The following SDK1 variants were observed in gnomAD, a reference collection of about 807,000 sequenced individuals.
SDK1 encodes protein sidekick-1.
In SDK1, 157 loss-of-function variants were observed where a neutral mutation model predicts 245.5. The observed-to-expected ratio is 0.64, with a 90% CI of 0.56 to 0.73. The LOEUF is 0.73. SDK1 is among the 30% of genes least tolerant of loss of function. The pLI, the probability that SDK1 is intolerant of heterozygous loss-of-function variation, is 0.00. For synonymous variants in SDK1, 1,647 were observed against 1,278.5 expected, an observed-to-expected ratio of 1.29 and a Z score of -6.15; for missense variants, 3,583 against 3,002.3, an observed-to-expected ratio of 1.19 and a Z score of -4.52.
chr7:3,714,459 C>G (rs933865155), intron 4 of SDK1, among the ~76,000 whole-genome samples: 2 of 152,186 alleles, frequency 1.3e-5, no homozygotes, highest in African/African-American at 2.4e-5. Context: ...CTTCCAGAGT[C>G]TCAGTTTCCT....
At chr7:4,182,110 G>A (rs547111648) in intron 35 of SDK1, among the ~76,000 whole-genome samples, 40 of 152,238 alleles carry the variant, frequency 2.6e-4, no homozygotes, top group East Asian at 9.7e-4. Context: ...TAGTAGAGAC[G>A]GGGTTTCACC....
intron 1 of SDK1, among the ~76,000 whole-genome samples, chr7:3,404,786 T>A (rs1779005636): frequency 6.6e-6 from 1 of 152,182 alleles, no homozygotes; most frequent in Admixed American, 6.5e-5. Flanking sequence ...GTTTAACAGA[T>A]GTGTTTTGGT....
intron 1 of SDK1, among the ~76,000 whole-genome samples, chr7:3,511,202 A>G (rs1782568605): frequency 6.6e-6 from 1 of 152,364 alleles, no homozygotes; most frequent in South Asian, 2.1e-4. Context: ...TAGGTGATTT[A>G]GAATTTCATA....
intron 4 of SDK1, among the ~76,000 whole-genome samples, chr7:3,687,174 G>GT (rs1345325858): frequency 4.7e-5 from 4 of 85,990 alleles, no homozygotes; most frequent in African/African-American, 1.3e-4. Flanking sequence ...GTACACAAAT[G>GT]TTCTTTTTTT....
intron 1 of SDK1, among the ~76,000 whole-genome samples, chr7:3,439,199 A>G (rs1780121749): frequency 6.6e-6 from 1 of 152,048 alleles, no homozygotes; most frequent in African/African-American, 2.4e-5. Flanking sequence ...AGTTCATCAC[A>G]TTTTTGGGGT....
intron 1 of SDK1, among the ~76,000 whole-genome samples, chr7:3,340,585 A>G (rs1003755822): frequency 9.2e-5 from 14 of 151,774 alleles, no homozygotes; most frequent in African/African-American, 2.9e-4. Context: ...ACACGGTGAA[A>G]CCCCGTCTCT....
At chr7:3,529,937 G>A (rs1409879909) in intron 1 of SDK1, among the ~76,000 whole-genome samples, 1 of 152,130 alleles carries the variant, frequency 6.6e-6, no homozygotes, top group African/African-American at 2.4e-5. Context: ...GTTAGGGGAC[G>A]TGGCAGAGAG....
intron 4 of SDK1, among the ~76,000 whole-genome samples, chr7:3,795,839 T>G (rs1778948609): frequency 6.6e-6 from 1 of 152,176 alleles, no homozygotes; most frequent in Admixed American, 6.5e-5. Flanking sequence ...AGTAAAAATC[T>G]GTGAAATTGA....
At chr7:3,506,127 C>A (rs1343798466) in intron 1 of SDK1, among the ~76,000 whole-genome samples, 1 of 151,846 alleles carries the variant, frequency 6.6e-6, no homozygotes, top group Non-Finnish European at 1.5e-5. Flanking sequence ...TTTCTCTTTG[C>A]CAAAAGAACT....
At chr7:4,139,447 A>G (rs1472552672) in intron 28 of SDK1, among the ~76,000 whole-genome samples, 25 of 102,172 alleles carry the variant, frequency 2.4e-4, no homozygotes, top group Non-Finnish European at 4.4e-4. Flanking sequence ...GTGTGTGTAT[A>G]TGTGTGTGTA....
chr7:3,799,775 C>A (rs183515282), intron 4 of SDK1, among the ~76,000 whole-genome samples: 1 of 151,664 alleles, frequency 6.6e-6, no homozygotes, highest in African/African-American at 2.4e-5. Flanking sequence ...TTCTCTCTAC[C>A]CTTGCCTGAG....
At chr7:3,703,933 G>T (rs74881942) in intron 4 of SDK1, among the ~76,000 whole-genome samples, 4 of 151,948 alleles carry the variant, frequency 2.6e-5, no homozygotes, top group Non-Finnish European at 4.4e-5. Flanking sequence ...ATAACTTTTG[G>T]AGTACAAATG....
At chr7:3,457,970 A>G (rs73294826) in intron 1 of SDK1, among the ~76,000 whole-genome samples, 3,622 of 152,298 alleles carry the variant, frequency 0.024, 164 homozygotes, top group African/African-American at 0.083. Context: ...CTAGGTAAAA[A>G]GTTCTTGGTT....
chr7:3,704,412 G>T (rs979150980), intron 4 of SDK1, among the ~76,000 whole-genome samples: 6 of 151,552 alleles, frequency 4.0e-5, no homozygotes, highest in Non-Finnish European at 8.8e-5. Flanking sequence ...CAGGAGTAAG[G>T]TGGCATCTCA....
intron 22 of SDK1, among the ~76,000 whole-genome samples, chr7:4,101,410 G>A (rs1486356798): frequency 1.3e-5 from 2 of 152,312 alleles, no homozygotes; most frequent in Middle Eastern, 3.4e-3. Context: ...GCCTCCCAAA[G>A]TGCTGGGATT....
chr7:3,821,391 T>G, intron 4 of SDK1, 59 bp from the exon 5 acceptor site: 1 of 1,559,326 alleles, frequency 6.4e-7, no homozygotes, highest in Non-Finnish European at 8.7e-7. Flanking sequence ...TAATTTTGTC[T>G]TACAAGTAGG....
chr7:3,732,802 G>T (rs1779216720), intron 4 of SDK1, among the ~76,000 whole-genome samples: 2 of 152,218 alleles, frequency 1.3e-5, no homozygotes, highest in African/African-American at 4.8e-5. Context: ...TTGTGAGGCA[G>T]TTCAAGGCTT....
At chr7:4,106,853 C>T (rs972591026) in intron 22 of SDK1, among the ~76,000 whole-genome samples, 1 of 151,918 alleles carries the variant, frequency 6.6e-6, no homozygotes, top group Non-Finnish European at 1.5e-5. Flanking sequence ...CCGCTGACCC[C>T]GCAGCAGCCC....
chr7:3,980,523 C>G (rs941744512), intron 13 of SDK1, among the ~76,000 whole-genome samples: 1 of 152,236 alleles, frequency 6.6e-6, no homozygotes, highest in East Asian at 1.9e-4. Context: ...TCGACGCAAT[C>G]TATCCCCATT....
Sources: gnomAD v4.1 joint callset for allele counts (sites outside exome capture counted in the v4.1 genomes callset) on GRCh38, gnomAD v4.1.1 for gene constraint, MANE v1.5 for transcripts, NCBI Gene and HGNC (gene_info 2026-07-23, HGNC 2026-07-21) for gene names.